Variants in MET observed in about 807,000 individuals in gnomAD.
The protein encoded by MET is hepatocyte growth factor receptor.
A neutral mutation model predicts 133.1 loss-of-function variants in MET; 48 were observed. The observed-to-expected ratio is 0.36, with a 90% CI of 0.29 to 0.46. The LOEUF (loss-of-function observed/expected upper bound fraction) is 0.46. Ranked by LOEUF, MET falls within the 20% of genes least tolerant of loss-of-function variation. MET has a pLI of 1.00. For synonymous variants in MET, 628 were observed against 616.5 expected (o/e 1.02, Z -0.28); for missense variants, 1,442 against 1,695.9 (o/e 0.85, Z 2.63).
At chr7:116,720,029 A>C (rs1584900465) in intron 2 of MET, among the ~76,000 whole-genome samples, 1 of 152,074 alleles carries the variant, frequency 6.6e-6, no homozygotes, top group Admixed American at 6.5e-5. Context: ...CTGTGAAGAA[A>C]GTCATTGGTA....
chr7:116,755,254 T>G, intron 5 of MET, 101 bp from the exon 6 acceptor site: 1 of 1,322,654 alleles, frequency 7.6e-7, no homozygotes. Context: ...TGAAAGAATT[T>G]CAGACTATTT....
chr7:116,796,443 A>G lies in MET; in HGVS notation c.*319A>G. ...TTGATTTCATATGGGAAATTGAAGC[A>G]GGAAATATTGAGGGCTTCTTGATCA... On this transcript the variant is annotated 3_prime_UTR_variant, in exon 21 of 21. Coordinates refer to ENST00000397752, the MANE Select transcript of MET (RefSeq NM_000245.4). The G allele has an allele frequency of 6.6e-6, 3 of 457,570 alleles. No individual in the cohort carries two copies. The highest frequency in any genetic ancestry group is 1.2e-5 in the Non-Finnish European group (3 of 248,708). The allele number at this position is 457,570 out of a possible 1,614,324, so 28.3% of individuals were successfully genotyped here.
intron 19 of MET, among the ~76,000 whole-genome samples, chr7:116,793,788 A>T (rs1168750141): frequency 1.3e-5 from 2 of 151,926 alleles, no homozygotes; most frequent in African/African-American, 4.8e-5. Context: ...AATCCCAGCT[A>T]CTCAGGAGGC....
intron 1 of MET, among the ~76,000 whole-genome samples, chr7:116,695,513 C>G (rs1796931091): frequency 6.6e-6 from 1 of 152,078 alleles, no homozygotes; most frequent in African/African-American, 2.4e-5. Context: ...TGGGTGATTG[C>G]CTGGAGTCAC....
chr7:116,749,362 C>T (rs183010787), intron 5 of MET, among the ~76,000 whole-genome samples: 6 of 152,246 alleles, frequency 3.9e-5, no homozygotes, highest in East Asian at 1.9e-4. Context: ...AAAAACCACA[C>T]GATTATTGCA....
In MET at chr7:116,759,369, GT is replaced by G. The variant is rs761305394; in HGVS notation, c.2265-18del. On this transcript the variant is annotated intron_variant, in intron 9 of 20. Coordinates refer to ENST00000397752, the MANE Select transcript of MET (RefSeq NM_000245.4). ...TGGAAAGAACCTCTCAACATTGTCA[GT>G]TTTCTATTTTGCTTTGCCAGTGGTG... The G allele has an allele frequency of 6.2e-7, 1 of 1,609,920 alleles. No homozygotes were observed. The highest frequency in any genetic ancestry group is 8.5e-7 in the Non-Finnish European group (1 of 1,178,066).
In MET at chr7:116,758,576, A is replaced by T. The variant is rs1554395720; in HGVS notation, c.2220A>T (p.Glu740Asp). The T allele has an allele frequency of 6.2e-7, 1 of 1,613,890 alleles. No homozygotes were observed. The highest frequency in any genetic ancestry group is 1.1e-5 in the South Asian group (1 of 91,068). Residue 740 changes from glutamate (E) to aspartate (D), a missense_variant, in exon 9 of 21, where the codon GAA (glutamate) becomes GAT (aspartate). This residue lies in a region of MET where 514 missense variants were observed against 659.6 expected (regional missense o/e 0.78). Transcript: ENST00000397752. ...NRETSIFSYR[E>D]DPIVYEIHPT... Reference sequence around the variant, plus strand: ...AGACAAGCATCTTCAGTTACCGTGAAGATCCCATTGTCTATGAAATTCATC... The same window carrying T: ...AGACAAGCATCTTCAGTTACCGTGATGATCCCATTGTCTATGAAATTCATC...
chr7:116,724,897 A>G, intron 2 of MET: 1 of 1,253,820 alleles, frequency 8.0e-7, no homozygotes, highest in Non-Finnish European at 1.0e-6. Context: ...TCTTGTTCTG[A>G]GATTCCATGA....
In MET at chr7:116,740,948, C is replaced by T. The variant is rs2116836173; in HGVS notation, c.1624C>T (p.His542Tyr). The change falls in exon 5 of 21, where the codon CAC becomes TAC. Residue 542 changes from histidine (H) to tyrosine (Y), a missense_variant. Around this residue, in one of 6 missense-constraint regions of MET, gnomAD observed 762 missense variants for 792.4 expected, o/e 0.96. Transcript: ENST00000397752. ...APPFVQCGWC[H>Y]DKCVRSEECL... ...ACCCTTTGTTCAGTGTGGCTGGTGC[C>T]ACGACAAATGTGTGCGATCGGAGGA... 6.2e-7 allele frequency: 1 copy of T among 1,614,138 alleles called. No individual in the cohort carries two copies. The highest frequency in any genetic ancestry group is 8.5e-7 in the Non-Finnish European group (1 of 1,180,030).
chr7:116,724,451 T>C (rs1234572151), intron 2 of MET, among the ~76,000 whole-genome samples: 1 of 152,230 alleles, frequency 6.6e-6, no homozygotes, highest in Non-Finnish European at 1.5e-5. Context: ...CGCTGGGAGC[T>C]GTAGACCGGA....
intron 19 of MET, among the ~76,000 whole-genome samples, chr7:116,793,237 C>T (rs1274143620): frequency 2.0e-5 from 3 of 151,318 alleles, no homozygotes; most frequent in African/African-American, 4.9e-5. Flanking sequence ...TGCAGGGGCG[C>T]GATCTCAGCT....
intron 1 of MET, chr7:116,695,654 T>C (rs1349031337): frequency 2.8e-6 from 1 of 356,956 alleles, no homozygotes; most frequent in African/African-American, 2.1e-5. Context: ...GGGTTCTTGT[T>C]AGCCAGACGT....
intron 6 of MET, among the ~76,000 whole-genome samples, chr7:116,757,009 A>G (rs912640636): frequency 1.3e-5 from 2 of 151,868 alleles, no homozygotes; most frequent in Admixed American, 1.3e-4. Flanking sequence ...CAGGAGGATC[A>G]CCTGAGCCCA....
intron 2 of MET, among the ~76,000 whole-genome samples, chr7:116,722,660 CT>C (rs1256668487): frequency 6.7e-6 from 1 of 148,360 alleles, no homozygotes; most frequent in Non-Finnish European, 1.5e-5. Context: ...TTCAGGAGCT[CT>C]TTTAGGGCAG....
chr7:116,719,070 T>C (rs1792366198), intron 2 of MET, among the ~76,000 whole-genome samples: 3 of 106,312 alleles, frequency 2.8e-5, no homozygotes, highest in African/African-American at 1.1e-4. Flanking sequence ...ATCGCCACAC[T>C]GACTTCCACA....
chr7:116,754,935 G>GAAAGAA (rs750874023), intron 5 of MET, among the ~76,000 whole-genome samples: 136 of 132,410 alleles, frequency 1.0e-3, no homozygotes, highest in Admixed American at 2.1e-3. Context: ...AAGAAAGAAA[G>GAAAGAA]AAAGAAAGAA....
rs1795691544 is a variant in MET at position 116,796,722 on chromosome 7, A to G, written c.*598A>G. 2 of 202,736 alleles carry G rather than the reference A, an allele frequency of 9.9e-6. No homozygotes were observed. The highest frequency in any genetic ancestry group is 5.7e-5 in the Admixed American group (1 of 17,552). 12.6% of individuals were successfully genotyped at this position (202,736 alleles called of 1,614,324 possible). A position where few individuals can be genotyped will look rare whatever the true frequency, so the allele number is the denominator to read the frequency against. On this transcript the variant is annotated 3_prime_UTR_variant, in exon 21 of 21. Transcript: ENST00000397752. Reference sequence around the variant, plus strand: ...GTGATCATAGCTCACTGCAACCTCCACCTCCCAGGCTCAAGCCTCCCGAAT... The same window carrying G: ...GTGATCATAGCTCACTGCAACCTCCGCCTCCCAGGCTCAAGCCTCCCGAAT...
intron 10 of MET, among the ~76,000 whole-genome samples, chr7:116,760,100 T>C (rs1794340340): frequency 6.6e-6 from 1 of 152,174 alleles, no homozygotes; most frequent in Non-Finnish European, 1.5e-5. Context: ...TTACAGACAG[T>C]CAGTACAAAT....
chr7:116,684,732 G>A (rs1454362470), intron 1 of MET, among the ~76,000 whole-genome samples: 3 of 152,200 alleles, frequency 2.0e-5, no homozygotes, highest in Non-Finnish European at 4.4e-5. Context: ...TTCTAATGGT[G>A]TGATGGCAAG....
Sources: gnomAD v4.1 joint callset for allele counts (sites outside exome capture counted in the v4.1 genomes callset) on GRCh38, gnomAD v4.1.1 for gene constraint, gnomAD v4.1.1 regional missense constraint, MANE v1.5 for transcripts, NCBI Gene and HGNC (gene_info 2026-07-23, HGNC 2026-07-21) for gene names.